DAB1: variants seen among roughly 807,000 people sequenced by gnomAD.
The protein encoded by DAB1 is DAB adaptor protein 1, also known as disabled homolog 1.
A neutral mutation model predicts 64.6 loss-of-function variants in DAB1; 15 were observed. That is an observed-to-expected ratio of 0.23 (90% CI 0.16 to 0.36). DAB1 has a LOEUF of 0.36. DAB1 is among the 10% of genes least tolerant of loss of function. The pLI is 1.00. For synonymous variants in DAB1, 235 were observed against 251.9 expected (o/e 0.93, Z 0.64); for missense variants, 596 against 706.7 (o/e 0.84, Z 1.78).
chr1:58,496,174 T>C (rs967959802), intron 3 of DAB1, among the ~76,000 whole-genome samples: 2 of 152,208 alleles, frequency 1.3e-5, no homozygotes, highest in Admixed American at 1.3e-4. Context: ...TTAGACTTTT[T>C]TTTTTTGGCT....
chr1:57,121,047 G>A (rs1389195558), intron 4 of DAB1, among the ~76,000 whole-genome samples: 1 of 151,680 alleles, frequency 6.6e-6, no homozygotes, highest in African/African-American at 2.4e-5. Flanking sequence ...TAAAGGAAGG[G>A]GCAAAGAGAT....
rs115932496 is a variant in DAB1 at position 58,484,327 on chromosome 1, C to T, written n.257+21733G>A. Among the ~76,000 whole-genome samples, 720 of 152,258 alleles carry T rather than the reference C, an allele frequency of 4.7e-3. 3 individuals carry two copies. The highest frequency in any genetic ancestry group is 0.017 in the African/African-American group (688 of 41,544). ...CCATTTGGAGATATGTGAAGTCTAA[C>T]ACCCAAAATAGAATGATCTGATCAA... On this transcript the variant is annotated intron_variant and non_coding_transcript_variant, in intron 3 of 20. Coordinates refer to the DAB1 transcript ENST00000485760.
chr1:58,343,036 G>A (rs71642161), intron 4 of DAB1, among the ~76,000 whole-genome samples: 18,034 of 152,020 alleles, frequency 0.12, 1,095 homozygotes, highest in Non-Finnish European at 0.13. Flanking sequence ...TTCACCATTT[G>A]GCCACTGCCT....
chr1:57,030,849 A>T (rs958084551), intron 9 of DAB1, among the ~76,000 whole-genome samples: 1 of 152,244 alleles, frequency 6.6e-6, no homozygotes, highest in African/African-American at 2.4e-5. Flanking sequence ...TTATTTAATC[A>T]ATTCAAATGA....
intron 3 of DAB1, among the ~76,000 whole-genome samples, chr1:58,491,064 C>T (rs906357523): frequency 1.8e-4 from 28 of 151,992 alleles, no homozygotes; most frequent in African/African-American, 6.5e-4. Context: ...ACCACAGCCT[C>T]CCAAAGTGCT....
chr1:58,119,889 T>C (rs929511397), intron 5 of DAB1, among the ~76,000 whole-genome samples: 1 of 152,184 alleles, frequency 6.6e-6, no homozygotes, highest in Non-Finnish European at 1.5e-5. Context: ...CTTGTGGGAC[T>C]CTAGACTAAT....
chr1:57,418,125 GCA>G (rs1684630541), intron 1 of DAB1, among the ~76,000 whole-genome samples: 1 of 152,178 alleles, frequency 6.6e-6, no homozygotes, highest in African/African-American at 2.4e-5. Context: ...ACAATGCCTA[GCA>G]CAGAGCCAGA....
In DAB1 at chr1:58,513,827, C is replaced by G. The variant is rs543813601; in HGVS notation, n.108-7618G>C. 2.0e-5 allele frequency among the ~76,000 whole-genome samples: 3 copies of G among 152,254 alleles called. No homozygotes were observed. In the East Asian group the frequency reaches 5.8e-4, roughly 29 times the overall value. On this transcript the variant is annotated intron_variant and non_coding_transcript_variant, in intron 2 of 20. Coordinates refer to the DAB1 transcript ENST00000485760. ...AAGTACTGTTATGACCCTCACTTTACAGATTAGATGAAGAAACCAAGATCC... is the reference window on the plus strand; with the variant it reads ...AAGTACTGTTATGACCCTCACTTTAGAGATTAGATGAAGAAACCAAGATCC...
intron 3 of DAB1, among the ~76,000 whole-genome samples, chr1:58,382,119 G>T (rs183393539): frequency 1.3e-5 from 2 of 152,334 alleles, no homozygotes; most frequent in East Asian, 3.9e-4. Context: ...CAAGTTAAAT[G>T]GGGGAGGCAA....
chr1:57,352,923 C>G (rs569711509), intron 1 of DAB1, among the ~76,000 whole-genome samples: 32 of 152,042 alleles, frequency 2.1e-4, no homozygotes, highest in Non-Finnish European at 2.1e-4. Context: ...AAGAGAGAAT[C>G]AAACAAGAGA....
At chr1:58,507,371 G>C (rs908137621) in intron 2 of DAB1, among the ~76,000 whole-genome samples, 7 of 151,770 alleles carry the variant, frequency 4.6e-5, no homozygotes, top group Admixed American at 3.9e-4. Flanking sequence ...TATATTAATA[G>C]AACACTGCAT....
At chr1:57,380,467 G>C (rs12067263) in intron 1 of DAB1, among the ~76,000 whole-genome samples, 81,505 of 152,014 alleles carry the variant, frequency 0.54, 22,773 homozygotes, top group African/African-American at 0.63. Context: ...TTTACCTTTA[G>C]CTATTGAAGG....
Position 57,843,149 on chromosome 1 carries a change from T to C in DAB1, n.88-16694A>G, listed in dbSNP as rs74943695. Reference sequence around the variant, plus strand: ...AATGTGTATCACTTTTGCACCATCATAAAGTCTAAAAATCATAAGTTGAAC... The same window carrying C: ...AATGTGTATCACTTTTGCACCATCACAAAGTCTAAAAATCATAAGTTGAAC... On this transcript the variant is annotated intron_variant and non_coding_transcript_variant, in intron 1 of 1. Coordinates refer to the DAB1 transcript ENST00000477280. Among the ~76,000 whole-genome samples the C allele has an allele frequency of 5.0e-3, 767 of 152,308 alleles. 4 individuals carry two copies. Among genetic ancestry groups the C allele is most frequent in the African/African-American group, 0.016 (685 of 41,564 alleles).
chr1:57,740,848 G>C (rs1450843834), intron 6 of DAB1, among the ~76,000 whole-genome samples: 2 of 152,178 alleles, frequency 1.3e-5, no homozygotes, highest in Non-Finnish European at 2.9e-5. Context: ...GTGCAAATGT[G>C]TCAGTATAGA....
At chr1:57,066,910 A>C (rs562767152) in intron 8 of DAB1, among the ~76,000 whole-genome samples, 1 of 152,198 alleles carries the variant, frequency 6.6e-6, no homozygotes, top group Non-Finnish European at 1.5e-5. Context: ...CACTGCAGAA[A>C]GCAAGGAGGT....
intron 3 of DAB1, among the ~76,000 whole-genome samples, chr1:58,429,973 T>A (rs550703861): frequency 1.3e-5 from 2 of 152,314 alleles, no homozygotes; most frequent in East Asian, 3.9e-4. Context: ...ATCCCCCAGG[T>A]CTTGTCAATG....
intron 4 of DAB1, among the ~76,000 whole-genome samples, chr1:58,219,025 C>CTCTCTCTCTCTGTGTG (rs376130413): frequency 6.5e-4 from 84 of 129,550 alleles, no homozygotes; most frequent in African/African-American, 2.2e-3. Flanking sequence ...CTCTCTCTCT[C>CTCTCTCTCTCTGTGTG]TGTGTGTGTG....
At chr1:57,326,399 G>C (rs1676158689) in intron 1 of DAB1, among the ~76,000 whole-genome samples, 2 of 152,158 alleles carry the variant, frequency 1.3e-5, no homozygotes, top group African/African-American at 4.8e-5. Context: ...CTAGTCTATG[G>C]AGGTACTTTG....
intron 7 of DAB1, among the ~76,000 whole-genome samples, chr1:57,491,272 C>CA (rs1278486861): frequency 2.0e-5 from 3 of 151,794 alleles, no homozygotes; most frequent in Non-Finnish European, 4.4e-5. Flanking sequence ...ACTAAAAATA[C>CA]AAAAAATTAG....
Sources: gnomAD v4.1 joint callset for allele counts (sites outside exome capture counted in the v4.1 genomes callset) on GRCh38, gnomAD v4.1.1 for gene constraint, MANE v1.5 for transcripts, NCBI Gene and HGNC (gene_info 2026-07-23, HGNC 2026-07-21) for gene names.